The following KIF1A variants were observed in gnomAD, a reference collection of about 807,000 sequenced individuals.
KIF1A encodes kinesin-like protein KIF1A.
A neutral mutation model predicts 227.3 loss-of-function variants in KIF1A; 46 were observed. The observed-to-expected ratio is 0.20, with a 90% CI of 0.16 to 0.26. KIF1A has a LOEUF of 0.26. KIF1A is among the 10% of genes least tolerant of loss of function. The pLI is 1.00. For synonymous variants in KIF1A, 1,022 were observed against 1,012.8 expected (o/e 1.01, Z -0.17); for missense variants, 1,683 against 2,485.9 (o/e 0.68, Z 6.87).
At chr2:240,785,600 A>G (rs1377890238) in intron 6 of KIF1A, among the ~76,000 whole-genome samples, 1 of 152,074 alleles carries the variant, frequency 6.6e-6, no homozygotes, top group East Asian at 1.9e-4. Flanking sequence ...TCCTGATGCC[A>G]CCCTGACCTG....
At position 240,745,894 on chromosome 2, in the gene KIF1A, C is replaced by T. The variant is rs755669671; in HGVS notation, c.3218G>A (p.Gly1073Asp). The stretch of plus-strand genomic sequence containing the variant: ...TTTCTCAGAGCTGTCTAGGAGGAGG[C>T]CTTCTGGGGGCACTGCTGCTGGGAG... ...NNTCSAVPPE[G>D]LLLDSSEKAA... Residue 1073 changes from glycine to aspartate, a missense_variant, in exon 31 of 49, where the codon GGC becomes GAC. Coordinates refer to ENST00000498729, the MANE Select transcript of KIF1A (RefSeq NM_001244008.2). 1 of 1,604,218 alleles carries T rather than the reference C, an allele frequency of 6.2e-7. No homozygotes were observed. The highest frequency in any genetic ancestry group is 8.5e-7 in the Non-Finnish European group (1 of 1,173,880).
At chr2:240,817,761 G>T (rs1304973523) in intron 1 of KIF1A, among the ~76,000 whole-genome samples, 1 of 151,754 alleles carries the variant, frequency 6.6e-6, no homozygotes, top group Non-Finnish European at 1.5e-5. Context: ...TCTCCTCCAG[G>T]GCCTCCTCCT....
chr2:240,723,644 C>A, intron 41 of KIF1A, 86 bp from the exon 42 acceptor site: 1 of 1,422,466 alleles, frequency 7.0e-7, no homozygotes. Flanking sequence ...ATCTGTGAAG[C>A]TGTCTCCCCT....
chr2:240,812,916 C>CGGGGATCCGCCTTCACCTT (rs2058015611), intron 1 of KIF1A, among the ~76,000 whole-genome samples: 2 of 148,100 alleles, frequency 1.4e-5, no homozygotes, highest in Non-Finnish European at 3.0e-5. Flanking sequence ...GCCTTCACCT[C>CGGGGATCCGCCTTCACCTT]GGGGATCAGC....
At chr2:240,802,610 G>A (rs1011153659) in intron 1 of KIF1A, among the ~76,000 whole-genome samples, 3 of 152,166 alleles carry the variant, frequency 2.0e-5, no homozygotes, top group African/African-American at 7.2e-5. Context: ...CCACTGAGGA[G>A]GAGAAAATAT....
chr2:240,768,778 G>A (rs1186901871), intron 17 of KIF1A, among the ~76,000 whole-genome samples: 1 of 152,206 alleles, frequency 6.6e-6, no homozygotes, highest in African/African-American at 2.4e-5. Flanking sequence ...ACCCAGCTCT[G>A]TGAGCAGCCC....
intron 40 of KIF1A, 39 bp from the exon 41 acceptor site, chr2:240,724,075 C>T (rs2045711767): frequency 1.3e-6 from 2 of 1,568,724 alleles, no homozygotes; most frequent in Non-Finnish European, 8.8e-7. Flanking sequence ...GTCACCAGGC[C>T]CCGCAACAGG....
intron 2 of KIF1A, among the ~76,000 whole-genome samples, chr2:240,795,490 G>A (rs778553217): frequency 1.3e-5 from 2 of 152,222 alleles, no homozygotes; most frequent in East Asian, 1.9e-4. Context: ...ATGAGGTCTC[G>A]GGTCCAGGCC....
intron 20 of KIF1A, among the ~76,000 whole-genome samples, chr2:240,765,303 G>A (rs2051032536): frequency 6.6e-6 from 1 of 152,218 alleles, no homozygotes; most frequent in Non-Finnish European, 1.5e-5. Context: ...AGAGACTGGA[G>A]CAGCCCACCC....
rs371188993 is a variant in KIF1A at position 240,763,192 on chromosome 2, G to A, written c.1923C>T (p.Ile641=). 1.3e-5 allele frequency: 21 copies of A among 1,611,898 alleles called. No individual in the cohort carries two copies. The highest frequency in any genetic ancestry group is 2.2e-5 in the East Asian group (1 of 44,888). ...TCTGCTCCATCTCCTGCTTCATGTC[G>A]ATGCCCTGCTTCTCCAGCAGCTCAC... ...AQRELLEKQG[I]DMKQEMEQRL... The change falls in exon 21 of 49, where the codon ATC becomes ATT. Residue 641 remains isoleucine (I), a synonymous_variant. Transcript: ENST00000498729.
At chr2:240,729,924 C>T (rs1304118743) in intron 38 of KIF1A, among the ~76,000 whole-genome samples, 1 of 152,214 alleles carries the variant, frequency 6.6e-6, no homozygotes. Flanking sequence ...TGGTGCTGCC[C>T]CTGGGTCATT....
chr2:240,800,893 G>C (rs972988153), intron 1 of KIF1A, among the ~76,000 whole-genome samples: 2 of 152,222 alleles, frequency 1.3e-5, no homozygotes, highest in African/African-American at 4.8e-5. Context: ...GCCATAGCTC[G>C]GACGAACCTT....
At chr2:240,786,237 C>G in intron 6 of KIF1A, 98 bp downstream of exon 6, 1 of 1,233,376 alleles carries the variant, frequency 8.1e-7, no homozygotes, top group Non-Finnish European at 1.2e-6. Context: ...CACAGATGGA[C>G]CCTACCAAAA....
chr2:240,762,408 T>C (rs1474310486), intron 23 of KIF1A, among the ~76,000 whole-genome samples: 1 of 152,210 alleles, frequency 6.6e-6, no homozygotes, highest in African/African-American at 2.4e-5. Context: ...CCCATCATCA[T>C]CCAGCCACTC....
chr2:240,779,386 A>C (rs1411399476), intron 10 of KIF1A, among the ~76,000 whole-genome samples: 3 of 143,934 alleles, frequency 2.1e-5, no homozygotes, highest in Non-Finnish European at 4.5e-5. Context: ...AGTTCCTCAT[A>C]GTTCCACACT....
At chr2:240,746,474 G>A (rs1002673601) in intron 29 of KIF1A, among the ~76,000 whole-genome samples, 5 of 152,180 alleles carry the variant, frequency 3.3e-5, no homozygotes, top group East Asian at 1.9e-4. Context: ...CAGTTCAGCC[G>A]GACCCCCGCC....
chr2:240,735,868 A>G (rs1416822691), intron 38 of KIF1A, among the ~76,000 whole-genome samples: 2 of 150,004 alleles, frequency 1.3e-5, no homozygotes, highest in African/African-American at 2.5e-5. Flanking sequence ...CACCCCCCGG[A>G]TTCTCCACCC....
intron 27 of KIF1A, among the ~76,000 whole-genome samples, chr2:240,756,832 T>C (rs573062722): frequency 6.6e-6 from 1 of 152,202 alleles, no homozygotes; most frequent in East Asian, 1.9e-4. Flanking sequence ...TGAGCTGGGG[T>C]GAGGCTGCCT....
rs2050012906 is a variant in KIF1A, at chr2:240,757,586, A to G, written c.2591T>C (p.Ile864Thr). 6.9e-7 allele frequency: 1 copy of G among 1,459,390 alleles called. No homozygotes were observed. Among genetic ancestry groups the G allele is most frequent in the Non-Finnish European group, 9.2e-7 (1 of 1,091,534 alleles). 90.4% of individuals were successfully genotyped at this position (1,459,390 alleles called of 1,614,324 possible). ...AAGAGGGTAGCTGTTGCAGCCAGAG[A>G]TGGCTGAACTGAGGTTAGTGCGACA... ...PWFRLVGSSA[I>T]SGCNSYPLLN... The change falls in exon 27 of 49, where the codon ATC becomes ACC. Residue 864 changes from isoleucine (I) to threonine (T), a missense_variant. Physicochemically the swap from Ile to Thr is moderately conservative, Grantham distance 89 (BLOSUM62 -1). Around this residue, in one of 12 missense-constraint regions of KIF1A, gnomAD observed 759 missense variants for 1,020.2 expected, o/e 0.74. Transcript: ENST00000498729. This position sits in a 1 kb window ranked among gnomAD's most constrained non-coding sequence, Gnocchi z 6.2.
Sources: allele counts gnomAD v4.1 joint callset (sites outside exome capture counted in the v4.1 genomes callset), GRCh38; gene constraint gnomAD v4.1.1; regional missense constraint gnomAD v4.1.1; non-coding constraint Gnocchi (gnomAD v3.1); transcripts MANE v1.5; gene names NCBI Gene and HGNC (gene_info 2026-07-23, HGNC 2026-07-21).